Variants in OTUB2 observed in about 807,000 individuals in gnomAD.
The protein encoded by OTUB2 is ubiquitin thioesterase OTUB2.
Under a neutral mutation model 25.1 loss-of-function variants are expected in OTUB2, and 21 were observed. The observed-to-expected ratio is 0.84, with a 90% CI of 0.59 to 1.21. The LOEUF is 1.21. Ranked by LOEUF, OTUB2 falls within the 50% of genes most tolerant of loss-of-function variation. The probability of loss-of-function intolerance (pLI) is 0.00; values close to 1 mark genes in which losing one functional copy is unlikely to be tolerated. For synonymous variants in OTUB2, 122 were observed against 122.8 expected (o/e 0.99, Z 0.04); for missense variants, 283 against 298.0 (o/e 0.95, Z 0.37).
At chr14:94,039,844 T>G (rs550539471) in intron 3 of OTUB2, among the ~76,000 whole-genome samples, 2 of 152,234 alleles carry the variant, frequency 1.3e-5, no homozygotes, top group Middle Eastern at 6.8e-3. Flanking sequence ...CCATGGGCCC[T>G]CCTCATCTGA....
chr14:94,037,158 G>A (rs549714334), intron 1 of OTUB2, among the ~76,000 whole-genome samples: 8 of 152,248 alleles, frequency 5.3e-5, no homozygotes, highest in Non-Finnish European at 8.8e-5. Context: ...TTATAACCAG[G>A]GCTATCTCTT....
chr14:94,030,750 T>G (rs574535712), intron 1 of OTUB2, among the ~76,000 whole-genome samples: 1 of 150,226 alleles, frequency 6.7e-6, no homozygotes, highest in East Asian at 1.9e-4. Flanking sequence ...TTAAGGATAC[T>G]GAGTTATCCA....
chr14:94,037,229 T>C (rs1885071939), intron 1 of OTUB2, 151 bp from the exon 2 acceptor site: 1 of 513,118 alleles, frequency 1.9e-6, no homozygotes, highest in Non-Finnish European at 3.5e-6. Context: ...AACGGGCGTC[T>C]AGGATGCTGG....
chr14:94,046,807 C>T lies in OTUB2; in HGVS notation c.*885C>T, dbSNP rs1292680173. ...AGTGTTGGCACGCACAGCCATGGAC[C>T]CAGCTGAGCAGAGCAGACGCTTTGC... is the stretch of plus-strand genomic sequence containing the variant. On this transcript the variant is annotated 3_prime_UTR_variant, in exon 6 of 6. Coordinates refer to ENST00000203664, the MANE Select transcript of OTUB2 (RefSeq NM_023112.4). 1 of 152,710 alleles carries T rather than the reference C, an allele frequency of 6.5e-6. No homozygotes were observed. Among genetic ancestry groups the T allele is most frequent in the Non-Finnish European group, 1.5e-5 (1 of 68,122 alleles). The allele number at this position is 152,710 out of a possible 1,614,324, so 9.5% of individuals were successfully genotyped here.
intron 1 of OTUB2, among the ~76,000 whole-genome samples, chr14:94,033,234 G>A (rs1374895770): frequency 6.6e-6 from 1 of 151,870 alleles, no homozygotes; most frequent in African/African-American, 2.4e-5. Flanking sequence ...TCCTTAACTT[G>A]GCTCTTTTAA....
chr14:94,026,909 C>T (rs1407569798), intron 1 of OTUB2, among the ~76,000 whole-genome samples: 2 of 152,198 alleles, frequency 1.3e-5, no homozygotes, highest in African/African-American at 4.8e-5. Context: ...AAGTAGCCCC[C>T]CAGTCAGCAG....
At chr14:94,029,947 G>T (rs545046661) in intron 1 of OTUB2, among the ~76,000 whole-genome samples, 20 of 152,336 alleles carry the variant, frequency 1.3e-4, no homozygotes, top group Non-Finnish European at 2.8e-4. Flanking sequence ...TCTTGGGAAA[G>T]GCAGAGGAAG....
Position 94,048,394 on chromosome 14 carries a change from G to A in OTUB2, c.*2472G>A, listed in dbSNP as rs1005060236. The A allele has an allele frequency of 2.0e-5, 3 of 152,186 alleles. No homozygotes were observed. Among genetic ancestry groups the A allele is most frequent in the East Asian group, 1.9e-4 (1 of 5,198 alleles). The allele number at this position is 152,186 out of a possible 1,614,324, so 9.4% of individuals were successfully genotyped here. Reference sequence around the variant, plus strand: ...AGAGCACAGTCCCTGCTTTTGACTGGGTTCCTATTTTAAGCACAAATGAGA... The same window carrying A: ...AGAGCACAGTCCCTGCTTTTGACTGAGTTCCTATTTTAAGCACAAATGAGA... On this transcript the variant is annotated 3_prime_UTR_variant, in exon 6 of 6. Transcript: ENST00000203664.
At chr14:94,043,940 C>T in intron 3 of OTUB2, 31 bp from the exon 4 acceptor site, 3 of 1,596,532 alleles carry the variant, frequency 1.9e-6, no homozygotes, top group Non-Finnish European at 2.6e-6. Flanking sequence ...GCTGTGTTTC[C>T]CTGTAAACAC....
intron 3 of OTUB2, among the ~76,000 whole-genome samples, chr14:94,042,169 G>T (rs4243702): frequency 0.49 from 74,836 of 152,112 alleles, 19,248 homozygotes; most frequent in African/African-American, 0.65. Flanking sequence ...GAGAACACGC[G>T]CCGCCTCTGA....
intron 1 of OTUB2, among the ~76,000 whole-genome samples, chr14:94,035,430 G>A (rs900463761): frequency 2.0e-5 from 3 of 151,562 alleles, no homozygotes; most frequent in East Asian, 2.0e-4. Context: ...CTGGGATTAC[G>A]GGCATGTGCC....
At chr14:94,026,650 C>A in intron 1 of OTUB2, 110 bp downstream of exon 1, 1 of 1,120,478 alleles carries the variant, frequency 8.9e-7, no homozygotes, top group Non-Finnish European at 1.1e-6. Flanking sequence ...CGAGGCTCAG[C>A]CCCCAGCTCG....
intron 4 of OTUB2, 23 bp from the exon 5 acceptor site, chr14:94,044,563 A>C: frequency 6.3e-7 from 1 of 1,594,170 alleles, no homozygotes; most frequent in Non-Finnish European, 8.6e-7. Context: ...TGGCCTCCCT[A>C]GCTGAGGGCC....
rs553623236 is a variant in OTUB2 at position 94,037,769 on chromosome 14, A to G, written c.99+294A>G. ...AGTACTTTTATTACCCCCATTTTAC[A>G]GCTGAGGAAACTGAGGCACACAAAT... On this transcript the variant is annotated intron_variant, in intron 2 of 5. Transcript: ENST00000203664. Among the ~76,000 whole-genome samples, 12 of 152,266 alleles carry G rather than the reference A, an allele frequency of 7.9e-5. No homozygotes were observed. In the East Asian group the frequency reaches 1.9e-3, roughly 24 times the overall value.
chr14:94,034,231 G>A (rs1237020508), intron 1 of OTUB2, among the ~76,000 whole-genome samples: 2 of 152,194 alleles, frequency 1.3e-5, no homozygotes, highest in East Asian at 3.8e-4. Flanking sequence ...ATCGTGTCCT[G>A]TTCCACCTGT....
intron 1 of OTUB2, among the ~76,000 whole-genome samples, chr14:94,028,002 C>T (rs1884895000): frequency 6.6e-6 from 1 of 152,206 alleles, no homozygotes; most frequent in Admixed American, 6.5e-5. Context: ...GCCCTCTGGC[C>T]ACCACTCGGC....
At chr14:94,030,814 TG>T (rs540778411) in intron 1 of OTUB2, among the ~76,000 whole-genome samples, 1 of 127,404 alleles carries the variant, frequency 7.8e-6, no homozygotes, top group South Asian at 2.3e-4. Context: ...GGCAGAGTGA[TG>T]GGGAGGGTGG....
intron 4 of OTUB2, 130 bp downstream of exon 4, chr14:94,044,185 G>C: frequency 1.1e-6 from 1 of 920,034 alleles, no homozygotes; most frequent in Non-Finnish European, 1.8e-6. Flanking sequence ...TCCTGCTTGT[G>C]GGGGTGTGTG....
intron 1 of OTUB2, among the ~76,000 whole-genome samples, chr14:94,029,982 G>A (rs1471929081): frequency 6.6e-6 from 1 of 152,224 alleles, no homozygotes; most frequent in African/African-American, 2.4e-5. Flanking sequence ...GAGCAGCCGT[G>A]CAAAGGCCCT....
Sources: allele counts gnomAD v4.1 joint callset (sites outside exome capture counted in the v4.1 genomes callset), GRCh38; gene constraint gnomAD v4.1.1; transcripts MANE v1.5; gene names NCBI Gene and HGNC (gene_info 2026-07-23, HGNC 2026-07-21).